The following SEL1L2 variants were observed in gnomAD, a reference collection of about 807,000 sequenced individuals.
SEL1L2 encodes protein sel-1 homolog 2.
SEL1L2 carries 89 observed loss-of-function variants against 98.8 expected under a neutral mutation model. The observed-to-expected ratio is 0.90, with a 90% CI of 0.76 to 1.07. The LOEUF (loss-of-function observed/expected upper bound fraction) is 1.07. SEL1L2 is among the 50% of genes least tolerant of loss of function. The pLI is 0.00. For synonymous variants in SEL1L2, 262 were observed against 278.5 expected, an observed-to-expected ratio of 0.94 and a Z score of 0.59; for missense variants, 788 against 812.0, an observed-to-expected ratio of 0.97 and a Z score of 0.36.
chr20:13,943,328 T>G (rs2049864531), intron 2 of SEL1L2, among the ~76,000 whole-genome samples: 1 of 152,238 alleles, frequency 6.6e-6, no homozygotes, highest in Non-Finnish European at 1.5e-5. Flanking sequence ...TAATGCTTTC[T>G]GAAATTCAGA....
chr20:13,869,511 A>G lies in SEL1L2; in HGVS notation c.1247T>C (p.Met416Thr). 6.2e-7 allele frequency: 1 copy of G among 1,613,360 alleles called. No homozygotes were observed. The highest frequency in any genetic ancestry group is 8.5e-7 in the Non-Finnish European group (1 of 1,179,242). The change falls in exon 14 of 20, where the codon ATG (methionine) becomes ACG (threonine). Residue 416 changes from methionine to threonine, a missense_variant. Met to Thr is a moderately conservative substitution (Grantham distance 81). Transcript: ENST00000284951. ...WPDAQFQLGFMYYSGSGIWKD... is the reference protein window; with the variant it reads ...WPDAQFQLGFTYYSGSGIWKD... ...GTATTTGTGGCACTTACAGTAGTAC[A>G]TGAAGCCTAACTGGAACTGTGCGTC...
At chr20:13,867,661 G>A (rs562114547) in intron 14 of SEL1L2, among the ~76,000 whole-genome samples, 5 of 152,018 alleles carry the variant, frequency 3.3e-5, no homozygotes, top group South Asian at 2.1e-4. Flanking sequence ...TGGGATACCC[G>A]GTAGATGTTG....
intron 10 of SEL1L2, among the ~76,000 whole-genome samples, chr20:13,884,506 T>G (rs188953132): frequency 6.6e-6 from 1 of 152,064 alleles, no homozygotes; most frequent in Non-Finnish European, 1.5e-5. Flanking sequence ...ACTTATTTAT[T>G]TTTTTTATTT....
At chr20:13,903,074 C>T (rs149379182) in intron 5 of SEL1L2, among the ~76,000 whole-genome samples, 1,561 of 147,910 alleles carry the variant, frequency 0.011, 30 homozygotes, top group African/African-American at 0.037. Flanking sequence ...GGTGAGATCG[C>T]GCCACTGCAC....
rs544694888 is a variant in SEL1L2, at chr20:13,922,268, G to C, written c.284-3145C>G. ...TTTACCATTTCTCACAATATGACTG[G>C]AGTTATTTATGTTTGACAATGATCT... On this transcript the variant is annotated intron_variant, in intron 3 of 19. Coordinates refer to ENST00000284951, the MANE Select transcript of SEL1L2 (RefSeq NM_025229.2). Among the ~76,000 whole-genome samples, 59 of 152,194 alleles carry C rather than the reference G, an allele frequency of 3.9e-4. No individual in the cohort carries two copies. In the South Asian group the frequency reaches 4.4e-3, roughly 11 times the overall value.
At chr20:13,928,619 T>A (rs1350271387) in intron 3 of SEL1L2, among the ~76,000 whole-genome samples, 1 of 152,224 alleles carries the variant, frequency 6.6e-6, no homozygotes, top group African/African-American at 2.4e-5. Flanking sequence ...ATTTGGCCCA[T>A]CTTGCTAACT....
chr20:13,872,434 T>A (rs1175454407), intron 12 of SEL1L2, among the ~76,000 whole-genome samples: 1 of 152,186 alleles, frequency 6.6e-6, no homozygotes, highest in Non-Finnish European at 1.5e-5. Flanking sequence ...GCACTTCTCC[T>A]TGCTGCCGCC....
chr20:13,933,195 A>G (rs1440178349), intron 2 of SEL1L2, among the ~76,000 whole-genome samples: 1 of 152,102 alleles, frequency 6.6e-6, no homozygotes, highest in South Asian at 2.1e-4. Flanking sequence ...CGTACTCCAG[A>G]GTGACTCTCA....
chr20:13,874,917 A>G (rs1490282148), intron 12 of SEL1L2, among the ~76,000 whole-genome samples: 2 of 152,188 alleles, frequency 1.3e-5, no homozygotes, highest in African/African-American at 2.4e-5. Flanking sequence ...TACCAAGGCC[A>G]TTCGCCAAGA....
At chr20:13,888,804 A>ATTTT (rs36004055) in intron 5 of SEL1L2, among the ~76,000 whole-genome samples, 1 of 135,052 alleles carries the variant, frequency 7.4e-6, no homozygotes, top group Non-Finnish European at 1.6e-5. Flanking sequence ...ACGCCCCGCT[A>ATTTT]TTTTTTTTTT....
intron 5 of SEL1L2, among the ~76,000 whole-genome samples, chr20:13,912,516 C>T (rs1394437419): frequency 6.6e-6 from 1 of 151,970 alleles, no homozygotes; most frequent in Non-Finnish European, 1.5e-5. Context: ...AAGTTGGTCT[C>T]GAACTCCTGG....
At chr20:13,913,106 G>C (rs1032148841) in intron 5 of SEL1L2, among the ~76,000 whole-genome samples, 13 of 152,110 alleles carry the variant, frequency 8.5e-5, no homozygotes, top group Admixed American at 8.5e-4. Context: ...GTGATCTCTG[G>C]GGGGAAAGCT....
At chr20:13,919,783 AGGCGT>A (rs1347567667) in intron 3 of SEL1L2, among the ~76,000 whole-genome samples, 1 of 151,806 alleles carries the variant, frequency 6.6e-6, no homozygotes, top group Admixed American at 6.6e-5. Flanking sequence ...AAAATTAGCC[AGGCGT>A]GGTGGCACAC....
intron 18 of SEL1L2, among the ~76,000 whole-genome samples, chr20:13,851,860 G>A (rs1252122639): frequency 5.3e-5 from 8 of 151,678 alleles, no homozygotes; most frequent in African/African-American, 1.7e-4. Flanking sequence ...GTTTTTTTGC[G>A]GGGGGTGGGG....
intron 18 of SEL1L2, 59 bp from the exon 19 acceptor site, chr20:13,850,378 C>A (rs915251636): frequency 7.7e-6 from 12 of 1,562,936 alleles, no homozygotes; most frequent in African/African-American, 1.4e-5. Context: ...AAACAGACAC[C>A]ATTGTTCACA....
intron 1 of SEL1L2, among the ~76,000 whole-genome samples, chr20:13,977,094 C>T (rs760466336): frequency 6.6e-6 from 1 of 152,256 alleles, no homozygotes; most frequent in African/African-American, 2.4e-5. Flanking sequence ...GAGGAAGTAA[C>T]CTTGAAAACA....
At chr20:13,903,850 G>A (rs1392675559) in intron 5 of SEL1L2, among the ~76,000 whole-genome samples, 3 of 152,102 alleles carry the variant, frequency 2.0e-5, no homozygotes, top group South Asian at 2.1e-4. Flanking sequence ...ATAGGGTCAC[G>A]AGGAGAATCC....
At chr20:13,976,315 T>C (rs950411730) in intron 1 of SEL1L2, among the ~76,000 whole-genome samples, 2 of 152,152 alleles carry the variant, frequency 1.3e-5, no homozygotes, top group African/African-American at 4.8e-5. Context: ...TTTTTTGTTG[T>C]TGTTGTTGTT....
At chr20:13,973,579 T>C (rs1445249506) in intron 1 of SEL1L2, among the ~76,000 whole-genome samples, 4 of 152,228 alleles carry the variant, frequency 2.6e-5, no homozygotes, top group Non-Finnish European at 5.9e-5. Flanking sequence ...TCCATGAATA[T>C]CACTAGCCAT....
Sources: allele counts gnomAD v4.1 joint callset (sites outside exome capture counted in the v4.1 genomes callset), GRCh38; gene constraint gnomAD v4.1.1; transcripts MANE v1.5; gene names NCBI Gene and HGNC (gene_info 2026-07-23, HGNC 2026-07-21).